TMEM132D: variants seen among roughly 807,000 people sequenced by gnomAD.
TMEM132D encodes transmembrane protein 132D.
TMEM132D carries 21 observed loss-of-function variants against 62.3 expected under a neutral mutation model. The ratio of observed to expected loss-of-function variants is 0.34; its 90% CI spans 0.24 to 0.49. The LOEUF is 0.49. Ranked by LOEUF, TMEM132D falls within the 20% of genes least tolerant of loss-of-function variation. The pLI, the probability that TMEM132D is intolerant of heterozygous loss-of-function variation, is 0.99. For synonymous variants in TMEM132D, 621 were observed against 575.6 expected (o/e 1.08, Z -1.13); for missense variants, 1,346 against 1,402.8 (o/e 0.96, Z 0.65).
Position 129,082,021 on chromosome 12 carries a change from T to C in TMEM132D, c.1661A>G (p.Asp554Gly), listed in dbSNP as rs144217964. 6.4e-3 allele frequency: 10,255 copies of C among 1,605,086 alleles called. 40 individuals carry two copies. The highest frequency in any genetic ancestry group is 7.9e-3 in the Non-Finnish European group (9,236 of 1,173,970). ...CTCATCATCCTCCTCCTCTTCACTG[T>C]CCCCGGCAGGCCTGTGAAAGAAGCA... ...PIVSSRRPAG[D>G]SEEEEDDERR... Residue 554 changes from aspartate (D) to glycine (G), a missense_variant, in exon 7 of 9, where the codon GAC becomes GGC. Physicochemically the swap from Asp to Gly is moderately conservative, Grantham distance 94. Transcript: ENST00000422113.
At position 129,801,358 on chromosome 12, in the gene TMEM132D, T is replaced by G. The variant is rs1287855454; in HGVS notation, c.80-100660A>C. ...AGCTGGAGATCTGAGATGGGCAGAC[T>G]GCCTCAAGTGGGTCCCTGACCCCTG... On this transcript the variant is annotated intron_variant, in intron 1 of 8. Coordinates refer to ENST00000422113, the MANE Select transcript of TMEM132D (RefSeq NM_133448.3). Among the ~76,000 whole-genome samples, 3 of 18,826 alleles carry G rather than the reference T, an allele frequency of 1.6e-4. No individual in the cohort carries two copies. In the Non-Finnish European group the frequency reaches 3.1e-3, roughly 19 times the overall value. 12.4% of individuals were successfully genotyped at this position (18,826 alleles called of 152,430 possible).
At chr12:129,697,048 C>G (rs1330147589) in intron 2 of TMEM132D, among the ~76,000 whole-genome samples, 1 of 152,182 alleles carries the variant, frequency 6.6e-6, no homozygotes, top group African/African-American at 2.4e-5. Context: ...TGTGCTTCAG[C>G]CGTCGCATGC....
At chr12:129,417,530 C>T (rs1872162789) in intron 3 of TMEM132D, among the ~76,000 whole-genome samples, 1 of 152,170 alleles carries the variant, frequency 6.6e-6, no homozygotes, top group South Asian at 2.1e-4. Context: ...CCCTTCCTTA[C>T]ACCTTATACA....
intron 3 of TMEM132D, among the ~76,000 whole-genome samples, chr12:129,360,986 A>G (rs1870231149): frequency 6.6e-6 from 1 of 152,146 alleles, no homozygotes; most frequent in Non-Finnish European, 1.5e-5. Flanking sequence ...TTATCTAGAA[A>G]CACAAACGCA....
chr12:129,711,410 C>T (rs1881640193), intron 1 of TMEM132D, among the ~76,000 whole-genome samples: 1 of 152,142 alleles, frequency 6.6e-6, no homozygotes, highest in Non-Finnish European at 1.5e-5. Flanking sequence ...TCAGCCTGCT[C>T]AAATGGGCGG....
chr12:129,505,660 T>C (rs1463619057), intron 3 of TMEM132D, among the ~76,000 whole-genome samples: 2 of 152,216 alleles, frequency 1.3e-5, no homozygotes, highest in African/African-American at 2.4e-5. Flanking sequence ...GTCTATCTCA[T>C]TTATTAGGTC....
intron 1 of TMEM132D, chr12:129,854,867 T>C (rs536095914): frequency 1.0e-3 from 160 of 152,434 alleles, no homozygotes; most frequent in African/African-American, 3.7e-3. Flanking sequence ...CTCCTGACTG[T>C]GCTGCCTTAC....
chr12:129,264,708 A>G (rs2135597208), intron 4 of TMEM132D, among the ~76,000 whole-genome samples: 2 of 152,358 alleles, frequency 1.3e-5, no homozygotes, highest in South Asian at 4.1e-4. Flanking sequence ...AAATTGTGGT[A>G]TATATATGAT....
chr12:129,710,273 T>G (rs148760215), intron 1 of TMEM132D, among the ~76,000 whole-genome samples: 2 of 151,570 alleles, frequency 1.3e-5, no homozygotes, highest in African/African-American at 2.4e-5. Context: ...TCGCTAATGG[T>G]CATTATTAAT....
intron 5 of TMEM132D, among the ~76,000 whole-genome samples, chr12:129,164,402 T>C (rs1323429843): frequency 6.6e-6 from 1 of 152,196 alleles, no homozygotes; most frequent in African/African-American, 2.4e-5. Context: ...AATAATCAAA[T>C]GTTGGCAAGT....
intron 2 of TMEM132D, among the ~76,000 whole-genome samples, chr12:129,623,680 T>TGC (rs1463112665): frequency 1.4e-5 from 2 of 138,350 alleles, no homozygotes; most frequent in African/African-American, 2.8e-5. Flanking sequence ...TATACACATA[T>TGC]ATATACATAT....
chr12:129,516,458 A>G (rs922032873), intron 3 of TMEM132D, among the ~76,000 whole-genome samples: 1 of 152,200 alleles, frequency 6.6e-6, no homozygotes, highest in Non-Finnish European at 1.5e-5. Context: ...ATCATGGCAG[A>G]AGGTGAAAGG....
In TMEM132D at chr12:129,724,672, A is replaced by G. The variant is rs185495474; in HGVS notation, c.80-23974T>C. Among the ~76,000 whole-genome samples the G allele has an allele frequency of 1.1e-3, 174 of 152,148 alleles. 2 individuals carry two copies. Among genetic ancestry groups the G allele is most frequent in the African/African-American group, 4.0e-3 (168 of 41,530 alleles). On this transcript the variant is annotated intron_variant, in intron 1 of 8. Transcript: ENST00000422113. ...TGAGTAGCTGGGATTGCAAGCACCC[A>G]TCACCGTGCCTGGCTAATTTTTGTA...
At chr12:129,504,342 C>A (rs753788885) in intron 3 of TMEM132D, among the ~76,000 whole-genome samples, 5 of 152,144 alleles carry the variant, frequency 3.3e-5, no homozygotes, top group Non-Finnish European at 1.5e-5. Flanking sequence ...CTTTGAATGT[C>A]TTGTAGAATT....
intron 1 of TMEM132D, among the ~76,000 whole-genome samples, chr12:129,895,391 C>A (rs1443395268): frequency 1.3e-5 from 2 of 152,216 alleles, no homozygotes; most frequent in Non-Finnish European, 2.9e-5. Context: ...GGGATCACTT[C>A]TAAGTTTTGA....
chr12:129,672,499 C>T (rs1462405582), intron 2 of TMEM132D, among the ~76,000 whole-genome samples: 2 of 152,110 alleles, frequency 1.3e-5, no homozygotes, highest in Non-Finnish European at 2.9e-5. Context: ...GTGTTCCGTA[C>T]CTTGACCCAA....
At chr12:129,434,661 T>A (rs76462426) in intron 3 of TMEM132D, among the ~76,000 whole-genome samples, 138 of 118,890 alleles carry the variant, frequency 1.2e-3, no homozygotes, top group African/African-American at 3.5e-3. Flanking sequence ...AAGTTGTAGT[T>A]TTTTTTTTTT....
intron 5 of TMEM132D, among the ~76,000 whole-genome samples, chr12:129,167,771 A>T (rs973627169): frequency 1.3e-5 from 2 of 151,970 alleles, no homozygotes; most frequent in Non-Finnish European, 2.9e-5. Flanking sequence ...CAGTTTGCCC[A>T]ATTGGGAGGC....
At chr12:129,539,980 G>A (rs1593057961) in intron 2 of TMEM132D, among the ~76,000 whole-genome samples, 1 of 152,270 alleles carries the variant, frequency 6.6e-6, no homozygotes, top group Non-Finnish European at 1.5e-5. Context: ...GGCCAGGCTG[G>A]CTGATGGCTT....
Sources: allele counts gnomAD v4.1 joint callset (sites outside exome capture counted in the v4.1 genomes callset), GRCh38; gene constraint gnomAD v4.1.1; transcripts MANE v1.5; gene names NCBI Gene and HGNC (gene_info 2026-07-23, HGNC 2026-07-21).